Variants in LRRTM3 observed in about 807,000 individuals in gnomAD.
LRRTM3 encodes leucine rich repeat transmembrane neuronal 3, also known as leucine-rich repeat transmembrane neuronal protein 3.
LRRTM3 carries 24 observed loss-of-function variants against 44.7 expected under a neutral mutation model. The observed-to-expected ratio is 0.54, with a 90% CI of 0.39 to 0.76. The LOEUF is 0.76. LRRTM3 is among the 30% of genes least tolerant of loss of function. LRRTM3 has a pLI of 0.00. For synonymous variants in LRRTM3, 277 were observed against 278.7 expected (o/e 0.99, Z 0.06); for missense variants, 587 against 702.2 (o/e 0.84, Z 1.85).
chr10:67,036,030 T>A (rs1462856473), intron 2 of LRRTM3, among the ~76,000 whole-genome samples: 2 of 152,232 alleles, frequency 1.3e-5, no homozygotes, highest in Admixed American at 6.5e-5. Flanking sequence ...GTTAACAGTA[T>A]GGCTACTGAA....
intron 2 of LRRTM3, among the ~76,000 whole-genome samples, chr10:67,087,790 G>C (rs1857392243): frequency 6.6e-6 from 1 of 151,882 alleles, no homozygotes; most frequent in Non-Finnish European, 1.5e-5. Flanking sequence ...GGGGGATGGA[G>C]GTTTGTGATT....
chr10:66,965,146 G>A (rs1298366455), intron 2 of LRRTM3, among the ~76,000 whole-genome samples: 3 of 152,138 alleles, frequency 2.0e-5, no homozygotes, highest in African/African-American at 7.2e-5. Flanking sequence ...AAAGACAGCT[G>A]GGAGCCACGG....
intron 2 of LRRTM3, among the ~76,000 whole-genome samples, chr10:67,031,963 A>G (rs147327115): frequency 0.012 from 1,850 of 152,296 alleles, 49 homozygotes; most frequent in African/African-American, 0.043. Flanking sequence ...TTTTAATCTC[A>G]GAATTCTAGA....
chr10:66,971,033 T>G (rs1264491349), intron 2 of LRRTM3, among the ~76,000 whole-genome samples: 1 of 152,192 alleles, frequency 6.6e-6, no homozygotes, highest in Non-Finnish European at 1.5e-5. Flanking sequence ...GTATTTGCAT[T>G]ATTTGCTCTT....
Position 66,926,917 on chromosome 10 carries a change from C to T in LRRTM3, c.5-4C>T, listed in dbSNP as rs769297583. ...TAACTTTTCTAAGTTGTTTTTATTT[C>T]CAGGTTTCAATGTAATTAGGCTACT... On this transcript the variant is annotated splice_region_variant and splice_polypyrimidine_tract_variant and intron_variant, in intron 1 of 2. Transcript: ENST00000361320. 6.5e-7 allele frequency: 1 copy of T among 1,547,498 alleles called. No homozygotes were observed. The highest frequency in any genetic ancestry group is 2.3e-5 in the East Asian group (1 of 43,826).
At chr10:67,095,848 C>T (rs907578722) in intron 2 of LRRTM3, among the ~76,000 whole-genome samples, 4 of 151,874 alleles carry the variant, frequency 2.6e-5, no homozygotes, top group Non-Finnish European at 4.4e-5. Context: ...CAAATCTATT[C>T]ATGCTGCACA....
intron 2 of LRRTM3, among the ~76,000 whole-genome samples, chr10:67,027,318 GAC>G (rs1356881449): frequency 2.0e-5 from 3 of 152,010 alleles, no homozygotes; most frequent in African/African-American, 7.2e-5. Flanking sequence ...TTTTACATCT[GAC>G]ATTCAACTGA....
chr10:67,075,170 GCACA>G (rs57260841), intron 2 of LRRTM3, among the ~76,000 whole-genome samples: 1 of 149,638 alleles, frequency 6.7e-6, no homozygotes, highest in African/African-American at 2.5e-5. Flanking sequence ...AAGGATTTCT[GCACA>G]CACACACACA....
intron 2 of LRRTM3, among the ~76,000 whole-genome samples, chr10:67,039,597 T>C (rs1160552231): frequency 6.6e-6 from 1 of 152,112 alleles, no homozygotes; most frequent in Non-Finnish European, 1.5e-5. Flanking sequence ...CTCAGCATCA[T>C]AGAGAACTAA....
At chr10:67,094,140 AGGAAGAC>A (rs1292283138) in intron 2 of LRRTM3, among the ~76,000 whole-genome samples, 1 of 152,010 alleles carries the variant, frequency 6.6e-6, no homozygotes, top group Non-Finnish European at 1.5e-5. Context: ...ATTTTTCATG[AGGAAGAC>A]TTGCTCTGAC....
chr10:67,064,389 T>TAATAGCAATTTACTAGTACTATTTG (rs1855948251), intron 2 of LRRTM3, among the ~76,000 whole-genome samples: 2 of 152,166 alleles, frequency 1.3e-5, no homozygotes, highest in South Asian at 4.1e-4. Flanking sequence ...CTAGTACTAG[T>TAATAGCAATTTACTAGTACTATTTG]GTAACCGAAA....
intron 2 of LRRTM3, among the ~76,000 whole-genome samples, chr10:66,938,448 ATAT>A (rs904021519): frequency 1.3e-5 from 2 of 152,186 alleles, no homozygotes; most frequent in African/African-American, 2.4e-5. Context: ...AAAAATGAAA[ATAT>A]TATTAAGAAA....
In LRRTM3 at chr10:67,097,758, G is replaced by A. The variant is rs754011986; in HGVS notation, c.1708G>A (p.Ala570Thr). Residue 570 changes from alanine (A) to threonine (T), a missense_variant, in exon 3 of 3, where the codon GCT becomes ACT. By Grantham distance (58) the Ala-to-Thr change is moderately conservative. Coordinates refer to ENST00000361320, the MANE Select transcript of LRRTM3 (RefSeq NM_178011.5). ...GCTGGACCTGAGCACAATCACAACA[G>A]CTGGCCGAATCAGTGACCATAAACA... ...TELDLSTITT[A>T]GRISDHKQQL... The A allele has an allele frequency of 1.9e-6, 3 of 1,612,440 alleles. No individual in the cohort carries two copies. The highest frequency in any genetic ancestry group is 2.5e-6 in the Non-Finnish European group (3 of 1,178,962).
At chr10:67,087,193 G>A in intron 2 of LRRTM3, among the ~76,000 whole-genome samples, 1 of 151,982 alleles carries the variant, frequency 6.6e-6, no homozygotes, top group East Asian at 1.9e-4. Context: ...CTTTGCCTCA[G>A]TTAAAGAGAA....
intron 2 of LRRTM3, among the ~76,000 whole-genome samples, chr10:66,930,817 A>T (rs751642280): frequency 6.6e-6 from 1 of 152,194 alleles, no homozygotes; most frequent in African/African-American, 2.4e-5. Flanking sequence ...ATAGATAAGA[A>T]CGAAAATAAA....
chr10:67,043,497 A>G (rs749924794), intron 2 of LRRTM3, among the ~76,000 whole-genome samples: 1 of 151,942 alleles, frequency 6.6e-6, no homozygotes, highest in Non-Finnish European at 1.5e-5. Context: ...AGCTCTTCCA[A>G]TTTCTTCTAG....
At chr10:67,016,552 T>C (rs2133057713) in intron 2 of LRRTM3, among the ~76,000 whole-genome samples, 1 of 152,264 alleles carries the variant, frequency 6.6e-6, no homozygotes. Flanking sequence ...TTCCCTACCA[T>C]TCTAGAGTCT....
At chr10:67,052,133 C>T (rs188812502) in intron 2 of LRRTM3, among the ~76,000 whole-genome samples, 60 of 152,254 alleles carry the variant, frequency 3.9e-4, no homozygotes, top group Middle Eastern at 3.4e-3. Context: ...AACCACCTTA[C>T]CTAGTTACAA....
At chr10:66,995,056 A>T (rs187539022) in intron 2 of LRRTM3, among the ~76,000 whole-genome samples, 8 of 152,208 alleles carry the variant, frequency 5.3e-5, no homozygotes, top group Admixed American at 4.6e-4. Context: ...CTAAATCTAG[A>T]TCTCTAGCCC....
Sources: gnomAD v4.1 joint callset for allele counts (sites outside exome capture counted in the v4.1 genomes callset) on GRCh38, gnomAD v4.1.1 for gene constraint, MANE v1.5 for transcripts, NCBI Gene and HGNC (gene_info 2026-07-23, HGNC 2026-07-21) for gene names.